Variants in XRN2 observed in about 807,000 individuals in gnomAD.
XRN2 encodes the protein DHM1-like protein.
A neutral mutation model predicts 138.5 loss-of-function variants in XRN2; 44 were observed. The observed-to-expected ratio is 0.32, with a 90% CI of 0.25 to 0.41. XRN2 has a LOEUF of 0.41. Ranked by LOEUF, XRN2 falls within the 10% of genes least tolerant of loss-of-function variation. The pLI, the probability that XRN2 is intolerant of heterozygous loss-of-function variation, is 1.00. For synonymous variants in XRN2, 354 were observed against 369.4 expected (o/e 0.96, Z 0.48); for missense variants, 937 against 1,169.3 (o/e 0.80, Z 2.90).
rs1446975347 is a variant in XRN2, at chr20:21,366,265, G to C, written c.2456+561G>C. On this transcript the variant is annotated intron_variant, in intron 26 of 29. Transcript: ENST00000377191. ...TAAACTTTATGAAAATACTGGGTTT[G>C]GGCCGGGCACGGTGGCTCGCTCCTG... 7.2e-5 allele frequency among the ~76,000 whole-genome samples: 10 copies of C among 139,370 alleles called. No individual in the cohort carries two copies. In the South Asian group the frequency reaches 8.8e-4, roughly 12 times the overall value. 91.4% of individuals were successfully genotyped at this position (139,370 alleles called of 152,430 possible).
At chr20:21,317,301 AT>A (rs57699925) in intron 1 of XRN2, among the ~76,000 whole-genome samples, 103,753 of 150,592 alleles carry the variant, frequency 0.69, 36,118 homozygotes, top group South Asian at 0.84. Context: ...CTAGATGAGT[AT>A]TTTTTTTTTT....
intron 17 of XRN2, among the ~76,000 whole-genome samples, chr20:21,347,184 A>G (rs566721948): frequency 2.0e-5 from 3 of 152,346 alleles, no homozygotes; most frequent in East Asian, 3.9e-4. Flanking sequence ...TGAGTAATGA[A>G]TTGACAGTCA....
intron 24 of XRN2, among the ~76,000 whole-genome samples, chr20:21,360,474 CAT>C (rs1242668999): frequency 6.9e-6 from 1 of 143,936 alleles, no homozygotes; most frequent in Non-Finnish European, 1.5e-5. Context: ...TTTTTTTTCT[CAT>C]AGCACCTAGC....
chr20:21,353,370 G>GT (rs1304722583), intron 20 of XRN2, among the ~76,000 whole-genome samples: 1 of 149,888 alleles, frequency 6.7e-6, no homozygotes, highest in African/African-American at 2.5e-5. Flanking sequence ...AATTTCCTGG[G>GT]TTTTTTTCAT....
chr20:21,334,892 G>T (rs2038264194), intron 13 of XRN2, among the ~76,000 whole-genome samples: 1 of 152,156 alleles, frequency 6.6e-6, no homozygotes, highest in Non-Finnish European at 1.5e-5. Context: ...AGTCCATTAA[G>T]CAGTTGAATG....
In XRN2 at chr20:21,354,885, C is replaced by T. The variant is rs149154348; in HGVS notation, c.2020+13C>T. ...ACTCCAGAAGAGAGTAAGAATTATA[C>T]TTCTTAGTTAACATTGATCTGTGTA... On this transcript the variant is annotated intron_variant, in intron 21 of 29. Coordinates refer to ENST00000377191, the MANE Select transcript of XRN2 (RefSeq NM_012255.5). The T allele has an allele frequency of 7.2e-5, 116 of 1,600,430 alleles. No homozygotes were observed. In the East Asian group the frequency reaches 1.9e-3, roughly 27 times the overall value.
rs1446519561 is a variant in XRN2 at position 21,328,684 on chromosome 20, A to G, written c.427+14A>G. 6.2e-7 allele frequency: 1 copy of G among 1,609,460 alleles called. No individual in the cohort carries two copies. The highest frequency in any genetic ancestry group is 1.1e-5 in the South Asian group (1 of 90,066). On this transcript the variant is annotated intron_variant, in intron 4 of 29. Transcript: ENST00000377191. The stretch of plus-strand genomic sequence containing the variant: ...TATTGGCAAAAGGTAAAGAATATGC[A>G]TCTTGAAGTTGGATTTTTTCATAAG...
intron 24 of XRN2, among the ~76,000 whole-genome samples, chr20:21,358,188 CAG>C (rs373779056): frequency 1.0e-3 from 156 of 152,234 alleles, no homozygotes; most frequent in Middle Eastern, 0.01. Flanking sequence ...CATGGCCCTG[CAG>C]AGTTTGAACA....
chr20:21,384,524 T>C (rs919884611), intron 28 of XRN2, among the ~76,000 whole-genome samples: 1 of 152,196 alleles, frequency 6.6e-6, no homozygotes, highest in Non-Finnish European at 1.5e-5. Context: ...AAGGTCTCAC[T>C]CTGTCACCCA....
At chr20:21,315,467 A>T (rs2037945316) in intron 1 of XRN2, among the ~76,000 whole-genome samples, 2 of 152,026 alleles carry the variant, frequency 1.3e-5, no homozygotes, top group African/African-American at 2.4e-5. Context: ...CTTTTGGAGA[A>T]ATGTCTATTT....
At chr20:21,334,316 G>T in intron 13 of XRN2, 131 bp downstream of exon 13, 1 of 720,074 alleles carries the variant, frequency 1.4e-6, no homozygotes, top group South Asian at 1.8e-5. Context: ...ATGTAATCAT[G>T]AGTGGTCAGT....
chr20:21,356,666 G>T lies in XRN2; in HGVS notation c.2198+1G>T. 1 of 1,612,810 alleles carries T rather than the reference G, an allele frequency of 6.2e-7. No homozygotes were observed. The highest frequency in any genetic ancestry group is 8.5e-7 in the Non-Finnish European group (1 of 1,179,180). On this transcript the variant is annotated splice_donor_variant, in intron 23 of 29. Transcript: ENST00000377191. LOFTEE classifies it high-confidence loss of function. ...ATGAAGAAGCCATTCTTCCAGATCA[G>T]TAAGTTTCATTTTGTATATAATTGA...
At chr20:21,316,724 G>A (rs909640242) in intron 1 of XRN2, among the ~76,000 whole-genome samples, 6 of 152,156 alleles carry the variant, frequency 3.9e-5, no homozygotes, top group African/African-American at 1.4e-4. Context: ...TCAGTTTGGG[G>A]AGTATTGTCA....
intron 27 of XRN2, among the ~76,000 whole-genome samples, chr20:21,371,923 G>A (rs1299610779): frequency 6.6e-6 from 1 of 152,174 alleles, no homozygotes; most frequent in Non-Finnish European, 1.5e-5. Context: ...TTCAAATAAT[G>A]GAGTCCCCTC....
At chr20:21,373,347 A>T (rs947407568) in intron 27 of XRN2, among the ~76,000 whole-genome samples, 1 of 152,184 alleles carries the variant, frequency 6.6e-6, no homozygotes, top group African/African-American at 2.4e-5. Context: ...AAATCATAGG[A>T]CTATATCACC....
chr20:21,347,510 A>G (rs1479186210), intron 17 of XRN2, among the ~76,000 whole-genome samples: 3 of 152,214 alleles, frequency 2.0e-5, no homozygotes, highest in Non-Finnish European at 4.4e-5. Flanking sequence ...ATTGACCGTT[A>G]AGTACTCTGT....
At chr20:21,305,425 ATT>A (rs1021205523) in intron 1 of XRN2, among the ~76,000 whole-genome samples, 1 of 149,960 alleles carries the variant, frequency 6.7e-6, no homozygotes, top group African/African-American at 2.5e-5. Context: ...CGCCCAGCTG[ATT>A]TTTTTTTAGT....
chr20:21,303,717 A>G (rs1228444813), intron 1 of XRN2: 81 of 1,246,224 alleles, frequency 6.5e-5, no homozygotes, highest in Non-Finnish European at 1.1e-5. Flanking sequence ...AACTCGCAGG[A>G]GGGTCGCTCC....
intron 1 of XRN2, 111 bp from the exon 2 acceptor site, chr20:21,326,168 G>C: frequency 9.5e-7 from 1 of 1,057,960 alleles, no homozygotes; most frequent in Non-Finnish European, 1.3e-6. Flanking sequence ...AAGGTTACTT[G>C]AAGTGTTTTA....
Sources: gnomAD v4.1 joint callset for allele counts (sites outside exome capture counted in the v4.1 genomes callset) on GRCh38, gnomAD v4.1.1 for gene constraint, MANE v1.5 for transcripts, NCBI Gene and HGNC (gene_info 2026-07-23, HGNC 2026-07-21) for gene names.